Variants in PCCA observed in about 807,000 individuals in gnomAD.
PCCA encodes propionyl-CoA carboxylase alpha chain, mitochondrial.
A neutral mutation model predicts 101.3 loss-of-function variants in PCCA; 74 were observed. The ratio of observed to expected loss-of-function variants is 0.73; its 90% CI spans 0.61 to 0.89. The LOEUF is 0.89. Among genes scored for constraint, PCCA ranks in the 40% least tolerant of loss-of-function variants. The pLI is 0.00. For missense variants in PCCA, 891 were observed against 907.0 expected, an observed-to-expected ratio of 0.98 and a Z score of 0.23; for synonymous variants, 294 against 313.6, an observed-to-expected ratio of 0.94 and a Z score of 0.66.
chr13:100,148,122 C>T (rs565899303), intron 4 of PCCA, among the ~76,000 whole-genome samples: 2 of 152,104 alleles, frequency 1.3e-5, no homozygotes, highest in African/African-American at 4.8e-5. Context: ...GAGACAGGGT[C>T]TCACTCTGTT....
intron 22 of PCCA, among the ~76,000 whole-genome samples, chr13:100,523,446 G>A (rs2087466188): frequency 1.3e-5 from 2 of 152,180 alleles, no homozygotes; most frequent in Admixed American, 1.3e-4. Context: ...ACCATGGCAA[G>A]CAGCTGGCTT....
At chr13:100,399,519 T>G (rs1204987899) in intron 19 of PCCA, among the ~76,000 whole-genome samples, 2 of 152,218 alleles carry the variant, frequency 1.3e-5, no homozygotes, top group African/African-American at 4.8e-5. Context: ...TGAGTATTGC[T>G]GGACCTTCTA....
chr13:100,369,393 A>C (rs1026305762), intron 19 of PCCA, among the ~76,000 whole-genome samples: 4 of 152,220 alleles, frequency 2.6e-5, no homozygotes, highest in African/African-American at 9.6e-5. Context: ...ATAATTTCAC[A>C]CAAATAAGAC....
intron 6 of PCCA, among the ~76,000 whole-genome samples, chr13:100,206,774 C>G (rs748776218): frequency 2.6e-5 from 4 of 152,146 alleles, no homozygotes; most frequent in Non-Finnish European, 4.4e-5. Context: ...GAAGCAGGTC[C>G]TAAGACCTAG....
intron 19 of PCCA, among the ~76,000 whole-genome samples, chr13:100,405,769 C>CTTTTTT (rs34906541): frequency 2.2e-4 from 26 of 116,378 alleles, no homozygotes; most frequent in Admixed American, 2.9e-4. Context: ...AAGTGACATT[C>CTTTTTT]TTTTTTTTTT....
chr13:100,150,821 AGCTGGTTAACACCATG>A, intron 4 of PCCA: 1 of 1,584,598 alleles, frequency 6.3e-7, no homozygotes, highest in South Asian at 1.1e-5. Flanking sequence ...AGCAAACTTT[AGCTGGTTAACACCATG>A]ATGGACAGGC....
chr13:100,394,838 C>T lies in PCCA; in HGVS notation c.1746+26264C>T, dbSNP rs2076970219. Among the ~76,000 whole-genome samples the T allele has an allele frequency of 6.6e-6, 1 of 152,136 alleles. No homozygotes were observed. The highest frequency in any genetic ancestry group is 1.5e-5 in the Non-Finnish European group (1 of 68,022). Reference sequence around the variant, plus strand: ...TCACATTTCATTAGAATAGCTACTTCAATTTACTCTGAAAAAACTGCTTTC... The same window carrying T: ...TCACATTTCATTAGAATAGCTACTTTAATTTACTCTGAAAAAACTGCTTTC... On this transcript the variant is annotated intron_variant, in intron 19 of 23. Transcript: ENST00000376285. This position sits in a 1 kb window ranked among gnomAD's most constrained non-coding sequence, Gnocchi z 4.3.
At position 100,307,238 on chromosome 13, in the gene PCCA, A is replaced by G. The variant is rs756981485; in HGVS notation, c.1331A>G (p.Tyr444Cys). The change falls in exon 15 of 24, where the codon TAT becomes TGT. Residue 444 changes from tyrosine to cysteine, a missense_variant. By Grantham distance (194) the Tyr-to-Cys change is radical. Transcript: ENST00000376285. ...GIQPGSDISI[Y>C]YDPMISKLIT... is the part of the protein sequence containing the mutation. ...CAACCAGGAAGTGATATTAGCATTT[A>G]TTATGATCCTATGATTTCAAAAGTT... 1.2e-6 allele frequency: 2 copies of G among 1,606,964 alleles called. No homozygotes were observed. The highest frequency in any genetic ancestry group is 2.2e-5 in the East Asian group (1 of 44,824).
At chr13:100,512,282 A>G (rs1486976707) in intron 21 of PCCA, among the ~76,000 whole-genome samples, 1 of 151,962 alleles carries the variant, frequency 6.6e-6, no homozygotes, top group Non-Finnish European at 1.5e-5. Context: ...TTTTCTTGTT[A>G]GACATGATTT....
chr13:100,527,101 G>GT lies in PCCA; in HGVS notation c.2041-562dup, dbSNP rs912770452. 6.2e-3 allele frequency among the ~76,000 whole-genome samples: 906 copies of GT among 145,170 alleles called. 3 individuals are homozygous for GT. Among genetic ancestry groups the GT allele is most frequent in the African/African-American group, 0.01 (412 of 39,902 alleles). On this transcript the variant is annotated intron_variant, in intron 22 of 23. Coordinates refer to ENST00000376285, the MANE Select transcript of PCCA (RefSeq NM_000282.4). Reference sequence around the variant, plus strand: ...ACAGAAATATGTATATTTGGTGGTGGTTTTTTTTTTTTGGTAACAGCTATA... The same window carrying GT: ...ACAGAAATATGTATATTTGGTGGTGGTTTTTTTTTTTTTGGTAACAGCTATA...
At chr13:100,513,887 C>T (rs2086650479) in intron 21 of PCCA, among the ~76,000 whole-genome samples, 1 of 152,078 alleles carries the variant, frequency 6.6e-6, no homozygotes, top group Non-Finnish European at 1.5e-5. Context: ...GGATTTTTTC[C>T]CCCATTGCAG....
At chr13:100,122,710 C>T (rs2049532885) in intron 4 of PCCA, among the ~76,000 whole-genome samples, 1 of 152,054 alleles carries the variant, frequency 6.6e-6, no homozygotes, top group Non-Finnish European at 1.5e-5. Context: ...GGTCACTGGC[C>T]TAGTCTGTTC....
At chr13:100,473,128 T>A (rs915084800) in intron 21 of PCCA, 1 of 152,156 alleles carries the variant, frequency 6.6e-6, no homozygotes, top group East Asian at 1.9e-4. Flanking sequence ...TTCAAACTAG[T>A]TTGGTTTATG....
intron 6 of PCCA, among the ~76,000 whole-genome samples, chr13:100,183,179 G>A (rs1440150322): frequency 6.6e-6 from 1 of 151,992 alleles, no homozygotes; most frequent in African/African-American, 2.4e-5. Flanking sequence ...ATGAGGGGGA[G>A]TATTTTATAT....
At chr13:100,134,666 C>T (rs1235861294) in intron 4 of PCCA, among the ~76,000 whole-genome samples, 2 of 152,088 alleles carry the variant, frequency 1.3e-5, no homozygotes, top group African/African-American at 4.8e-5. Flanking sequence ...AAACCTCCCA[C>T]CTCAGCCTCC....
intron 14 of PCCA, among the ~76,000 whole-genome samples, chr13:100,303,690 A>G (rs1232817015): frequency 1.3e-5 from 2 of 152,158 alleles, no homozygotes; most frequent in Non-Finnish European, 2.9e-5. Flanking sequence ...TATTCAAATT[A>G]TTCATTTTGA....
chr13:100,372,290 T>C (rs578247256), intron 19 of PCCA, among the ~76,000 whole-genome samples: 1 of 152,274 alleles, frequency 6.6e-6, no homozygotes, highest in South Asian at 2.1e-4. Context: ...GGGCAAAGGT[T>C]GCAGTAAGCT....
chr13:100,335,059 A>G (rs1036226201), intron 17 of PCCA, among the ~76,000 whole-genome samples: 3 of 152,222 alleles, frequency 2.0e-5, no homozygotes, highest in African/African-American at 7.2e-5. Context: ...TACTCTATAA[A>G]CTGGAAGTTA....
intron 12 of PCCA, among the ~76,000 whole-genome samples, chr13:100,275,872 C>T (rs958109606): frequency 8.5e-5 from 13 of 152,090 alleles, no homozygotes; most frequent in South Asian, 2.1e-4. Flanking sequence ...ATTTAAAGTC[C>T]GTTTACTGTC....
Sources: gnomAD v4.1 joint callset for allele counts (sites outside exome capture counted in the v4.1 genomes callset) on GRCh38, gnomAD v4.1.1 for gene constraint, Gnocchi (gnomAD v3.1) non-coding constraint, MANE v1.5 for transcripts, NCBI Gene and HGNC (gene_info 2026-07-23, HGNC 2026-07-21) for gene names.